KCTD8: variants seen among roughly 807,000 people sequenced by gnomAD.
The protein encoded by KCTD8 is potassium channel tetramerization domain containing 8.
KCTD8 carries 27 observed loss-of-function variants against 31.5 expected under a neutral mutation model. The observed-to-expected ratio is 0.86, with a 90% confidence interval of 0.63 to 1.18. The LOEUF (loss-of-function observed/expected upper bound fraction) is 1.18. Ranked by LOEUF, KCTD8 falls within the 50% of genes most tolerant of loss-of-function variation. The pLI is 0.00. For missense variants in KCTD8, 658 were observed against 647.7 expected, an observed-to-expected ratio of 1.02 and a Z score of -0.17; for synonymous variants, 290 against 280.0, an observed-to-expected ratio of 1.04 and a Z score of -0.36.
At chr4:44,427,462 TAA>T (rs1203748050) in intron 1 of KCTD8, among the ~76,000 whole-genome samples, 1 of 151,388 alleles carries the variant, frequency 6.6e-6, no homozygotes, top group Admixed American at 6.6e-5. Flanking sequence ...CACAATGGTC[TAA>T]AATAGAAAAA....
intron 1 of KCTD8, among the ~76,000 whole-genome samples, chr4:44,277,638 C>T (rs1314341040): frequency 6.6e-6 from 1 of 151,684 alleles, no homozygotes; most frequent in Non-Finnish European, 1.5e-5. Context: ...TGTTTTTCCT[C>T]GATAATTAAT....
intron 1 of KCTD8, among the ~76,000 whole-genome samples, chr4:44,400,637 T>C (rs187826302): frequency 0.013 from 1,864 of 146,792 alleles, 47 homozygotes; most frequent in African/African-American, 0.044. Context: ...GCTGAGGCAG[T>C]AGAATCACTT....
At chr4:44,338,633 G>A (rs1267094821) in intron 1 of KCTD8, among the ~76,000 whole-genome samples, 2 of 152,070 alleles carry the variant, frequency 1.3e-5, no homozygotes, top group Non-Finnish European at 2.9e-5. Context: ...GTGTGGTTTC[G>A]ATTTCTGACT....
chr4:44,301,358 C>T (rs1717615356), intron 1 of KCTD8, among the ~76,000 whole-genome samples: 1 of 152,124 alleles, frequency 6.6e-6, no homozygotes. Context: ...TCCTAGTTCT[C>T]CACATCCTCT....
At chr4:44,255,137 C>T (rs1408447840) in intron 1 of KCTD8, among the ~76,000 whole-genome samples, 7 of 151,958 alleles carry the variant, frequency 4.6e-5, no homozygotes, top group South Asian at 2.1e-4. Context: ...TGATGATAAA[C>T]GTCTTTTTTT....
chr4:44,390,950 G>A (rs1287335889), intron 1 of KCTD8, among the ~76,000 whole-genome samples: 1 of 151,824 alleles, frequency 6.6e-6, no homozygotes, highest in East Asian at 1.9e-4. Flanking sequence ...TCTACCCAGA[G>A]GAAAAGAAGT....
At chr4:44,226,819 T>A (rs1241198095) in intron 1 of KCTD8, among the ~76,000 whole-genome samples, 2 of 152,224 alleles carry the variant, frequency 1.3e-5, no homozygotes, top group Non-Finnish European at 1.5e-5. Context: ...CGTATGTTTT[T>A]TGACCACATA....
intron 1 of KCTD8, among the ~76,000 whole-genome samples, chr4:44,316,055 G>A (rs1006070492): frequency 6.6e-5 from 10 of 151,804 alleles, no homozygotes; most frequent in Admixed American, 2.0e-4. Context: ...CTCCTTTTGC[G>A]GGCTCTTTTT....
At chr4:44,229,617 T>C (rs1577842128) in intron 1 of KCTD8, among the ~76,000 whole-genome samples, 2 of 152,134 alleles carry the variant, frequency 1.3e-5, no homozygotes, top group East Asian at 1.9e-4. Flanking sequence ...CATGGTTAAA[T>C]GGGGCACTTG....
intron 1 of KCTD8, among the ~76,000 whole-genome samples, chr4:44,326,306 T>C (rs1718442548): frequency 6.6e-6 from 1 of 151,916 alleles, no homozygotes; most frequent in South Asian, 2.1e-4. Context: ...GGTGCATGTG[T>C]ATATGTCTAT....
At chr4:44,187,830 T>G (rs1265373867) in intron 1 of KCTD8, among the ~76,000 whole-genome samples, 1 of 152,088 alleles carries the variant, frequency 6.6e-6, no homozygotes, top group Non-Finnish European at 1.5e-5. Context: ...TATAACAAAT[T>G]TATATGAACA....
intron 1 of KCTD8, among the ~76,000 whole-genome samples, chr4:44,317,533 C>A (rs1178487101): frequency 3.5e-5 from 5 of 141,066 alleles, no homozygotes; most frequent in African/African-American, 1.6e-4. Flanking sequence ...GCCACCGCGC[C>A]CGGCCCGGGT....
chr4:44,438,734 A>G (rs1721744221), intron 1 of KCTD8, among the ~76,000 whole-genome samples: 1 of 152,204 alleles, frequency 6.6e-6, no homozygotes, highest in African/African-American at 2.4e-5. Flanking sequence ...AGAAAAAGAG[A>G]AGAAATCTGG....
At chr4:44,416,437 G>C (rs1467636171) in intron 1 of KCTD8, among the ~76,000 whole-genome samples, 1 of 152,098 alleles carries the variant, frequency 6.6e-6, no homozygotes, top group Non-Finnish European at 1.5e-5. Flanking sequence ...ATCAGGAGAG[G>C]AATTACATGG....
chr4:44,235,824 C>T (rs1715275545), intron 1 of KCTD8, among the ~76,000 whole-genome samples: 2 of 151,854 alleles, frequency 1.3e-5, no homozygotes, highest in African/African-American at 4.8e-5. Context: ...ACATTGCAGG[C>T]TTCAGTTTTA....
chr4:44,341,264 G>T (rs1718889273), intron 1 of KCTD8, among the ~76,000 whole-genome samples: 1 of 152,168 alleles, frequency 6.6e-6, no homozygotes, highest in Non-Finnish European at 1.5e-5. Context: ...CCTTTTGCTG[G>T]TGGAGGATCC....
intron 1 of KCTD8, among the ~76,000 whole-genome samples, chr4:44,336,562 A>T (rs537436351): frequency 8.0e-4 from 122 of 152,218 alleles, no homozygotes; most frequent in Non-Finnish European, 1.5e-3. Context: ...AAACAACAAG[A>T]CATTAAACAG....
chr4:44,199,759 C>A (rs1714075774), intron 1 of KCTD8, among the ~76,000 whole-genome samples: 1 of 151,694 alleles, frequency 6.6e-6, no homozygotes, highest in South Asian at 2.1e-4. Context: ...AACAAAAGAA[C>A]AAACCAACTG....
chr4:44,366,486 A>AGC (rs1413079705), intron 1 of KCTD8, among the ~76,000 whole-genome samples: 1 of 152,204 alleles, frequency 6.6e-6, no homozygotes, highest in Non-Finnish European at 1.5e-5. Flanking sequence ...GCCTTCTGCT[A>AGC]TGATTTTAAG....
Sources: gnomAD v4.1 joint callset for allele counts (sites outside exome capture counted in the v4.1 genomes callset) on GRCh38, gnomAD v4.1.1 for gene constraint, MANE v1.5 for transcripts, NCBI Gene and HGNC (gene_info 2026-07-23, HGNC 2026-07-21) for gene names.